Variants in AFF1 observed in about 807,000 individuals in gnomAD.
AFF1 encodes the protein ALF transcription elongation factor 1, also known as AF4/FMR2 family member 1.
In AFF1, 48 loss-of-function variants were observed where a neutral mutation model predicts 121.7. The ratio of observed to expected loss-of-function variants is 0.39; its 90% CI spans 0.31 to 0.50. The LOEUF is 0.50. AFF1 is among the 20% of genes least tolerant of loss of function. The pLI is 0.76. For missense variants in AFF1, 1,523 were observed against 1,511.7 expected, an observed-to-expected ratio of 1.01 and a Z score of -0.12; for synonymous variants, 613 against 563.0, an observed-to-expected ratio of 1.09 and a Z score of -1.26.
intron 4 of AFF1, among the ~76,000 whole-genome samples, chr4:87,063,334 G>C (rs1419005165): frequency 7.4e-6 from 1 of 134,638 alleles, no homozygotes; most frequent in Non-Finnish European, 1.5e-5. Flanking sequence ...CCACCTCCCA[G>C]GTTCAAGCGA....
At chr4:87,095,399 G>A (rs1724733929) in intron 8 of AFF1, among the ~76,000 whole-genome samples, 2 of 152,226 alleles carry the variant, frequency 1.3e-5, no homozygotes, top group Non-Finnish European at 2.9e-5. Flanking sequence ...GATTACAGGC[G>A]TAAGCCACTG....
In AFF1 at chr4:87,047,525, A is replaced by G. The variant is rs202055448; in HGVS notation, c.990A>G (p.Glu330=). The G allele has an allele frequency of 1.4e-5, 22 of 1,614,102 alleles. No individual in the cohort carries two copies. The highest frequency in any genetic ancestry group is 1.6e-4 in the Middle Eastern group (1 of 6,084). Residue 330 remains glutamate (E), a synonymous_variant, in exon 4 of 21, where the codon GAA becomes GAG. Transcript: ENST00000395146. The part of the protein sequence containing the change: ...LPEDYRQQTF[E]KTDLKVPAKA... ...AGGACTATCGACAGCAGACCTTTGA[A>G]AAAACAGACTTGAAAGTGCCTGCCA...
At chr4:86,973,321 C>A (rs1723072441) in intron 2 of AFF1, among the ~76,000 whole-genome samples, 2 of 151,964 alleles carry the variant, frequency 1.3e-5, no homozygotes, top group Non-Finnish European at 2.9e-5. Context: ...GGTGCTGCAG[C>A]CTTTTGTATA....
chr4:87,068,599 A>G (rs1352943498), intron 4 of AFF1, among the ~76,000 whole-genome samples: 1 of 152,260 alleles, frequency 6.6e-6, no homozygotes, highest in Non-Finnish European at 1.5e-5. Context: ...TGAACTACGC[A>G]CATGGTGCTT....
chr4:87,127,283 C>T (rs1156750168), intron 15 of AFF1, among the ~76,000 whole-genome samples, 166 bp downstream of exon 15: 2 of 151,932 alleles, frequency 1.3e-5, no homozygotes, highest in East Asian at 3.9e-4. Flanking sequence ...GCCTCAGCCT[C>T]CCAAGTAGTT....
intron 2 of AFF1, among the ~76,000 whole-genome samples, chr4:86,996,402 A>G (rs1349612910): frequency 4.6e-5 from 7 of 151,670 alleles, no homozygotes; most frequent in Admixed American, 4.6e-4. Context: ...CTGCCTTGGG[A>G]TCCTGTTGAT....
chr4:87,126,832 G>A (rs1013519758), intron 14 of AFF1, among the ~76,000 whole-genome samples, 194 bp from the exon 15 acceptor site: 2 of 152,142 alleles, frequency 1.3e-5, no homozygotes, highest in Non-Finnish European at 2.9e-5. Flanking sequence ...GTCTTTTTGA[G>A]TCCCCAGTAC....
At chr4:87,006,329 G>A (rs560819724) in intron 2 of AFF1, among the ~76,000 whole-genome samples, 2 of 152,222 alleles carry the variant, frequency 1.3e-5, no homozygotes, top group East Asian at 3.9e-4. Context: ...TTTGAGGCAC[G>A]GCTTAAACGC....
chr4:87,114,300 A>G, intron 11 of AFF1, 67 bp from the exon 12 acceptor site: 2 of 1,398,188 alleles, frequency 1.4e-6, no homozygotes, highest in Non-Finnish European at 1.9e-6. Context: ...TAATTGGGTG[A>G]CTAACACAAA....
chr4:87,134,571 GC>G lies in AFF1; in HGVS notation c.3414del (p.Thr1139LeufsTer11). The G allele has an allele frequency of 6.2e-7, 1 of 1,614,070 alleles. No homozygotes were observed. Among genetic ancestry groups the G allele is most frequent in the Non-Finnish European group, 8.5e-7 (1 of 1,179,998 alleles). On this transcript the variant is annotated frameshift_variant, in exon 20 of 21. Coordinates refer to ENST00000395146, the MANE Select transcript of AFF1 (RefSeq NM_001166693.3). LOFTEE classifies it high-confidence loss of function. ...AGSVGSSGVA[A>X]TISTPVTIQN... is the part of the protein sequence containing the mutation. ...CAGTGTGGGGAGCAGTGGGGTGGCTGCCACTATCAGCACCCCAGTCACCATC... is the reference window on the plus strand; with the variant it reads ...CAGTGTGGGGAGCAGTGGGGTGGCTGCACTATCAGCACCCCAGTCACCATC...
At chr4:87,067,104 C>T (rs776785140) in intron 4 of AFF1, among the ~76,000 whole-genome samples, 1 of 152,100 alleles carries the variant, frequency 6.6e-6, no homozygotes, top group African/African-American at 2.4e-5. Flanking sequence ...CACAGAGATT[C>T]ATGAAATAAA....
intron 11 of AFF1, among the ~76,000 whole-genome samples, chr4:87,112,971 C>A (rs1398343743): frequency 1.3e-5 from 2 of 152,116 alleles, no homozygotes; most frequent in Non-Finnish European, 2.9e-5. Flanking sequence ...GTATAGTAAT[C>A]CACCTAGCAG....
At chr4:87,099,646 C>G (rs375392121) in intron 8 of AFF1, among the ~76,000 whole-genome samples, 16 of 152,302 alleles carry the variant, frequency 1.1e-4, no homozygotes, top group African/African-American at 2.9e-4. Flanking sequence ...TGGACTCAGG[C>G]AGTCTGCCCA....
chr4:87,091,668 C>A, intron 6 of AFF1, 125 bp from the exon 7 acceptor site: 1 of 655,064 alleles, frequency 1.5e-6, no homozygotes, highest in Non-Finnish European at 2.6e-6. Flanking sequence ...TACACTGTTT[C>A]CATTTTTCTA....
Position 87,136,415 on chromosome 4 carries a change from C to A in AFF1, c.*714C>A. The A allele has an allele frequency of 1.3e-5, 3 of 232,360 alleles. No homozygotes were observed. The East Asian group carries it at 1.8e-4, about 14-fold the overall frequency. 14.4% of individuals were successfully genotyped at this position (232,360 alleles called of 1,614,324 possible). A position where few individuals can be genotyped will look rare whatever the true frequency, so the allele number is the denominator to read the frequency against. On this transcript the variant is annotated 3_prime_UTR_variant, in exon 21 of 21. Transcript: ENST00000395146. ...TTCTCATTACTGTGCTGAAAGTCAG[C>A]CCACGTCGGAGCGGTGAGGAGGAGC...
chr4:86,936,344 G>T (rs1050290453), intron 1 of AFF1: 15 of 152,258 alleles, frequency 9.9e-5, no homozygotes, highest in African/African-American at 3.6e-4. Context: ...CGAAGACCCA[G>T]TGTTCCCTGG....
intron 15 of AFF1, 79 bp downstream of exon 15, chr4:87,127,196 T>C (rs1269027443): frequency 2.5e-6 from 3 of 1,195,296 alleles, no homozygotes; most frequent in Non-Finnish European, 3.6e-6. Context: ...AGTCTCACTC[T>C]GTCACCCAGG....
intron 2 of AFF1, among the ~76,000 whole-genome samples, chr4:87,039,124 C>T (rs1248990891): frequency 4.6e-5 from 7 of 152,232 alleles, no homozygotes; most frequent in Non-Finnish European, 7.3e-5. Flanking sequence ...CACTGCCCCA[C>T]GTCTCATGCC....
intron 6 of AFF1, 59 bp from the exon 7 acceptor site, chr4:87,091,734 C>G: frequency 8.5e-7 from 1 of 1,173,476 alleles, no homozygotes; most frequent in Non-Finnish European, 1.2e-6. Flanking sequence ...CAACGGTTTT[C>G]TCTTTAACTT....
Sources: allele counts gnomAD v4.1 joint callset (sites outside exome capture counted in the v4.1 genomes callset), GRCh38; gene constraint gnomAD v4.1.1; transcripts MANE v1.5; gene names NCBI Gene and HGNC (gene_info 2026-07-23, HGNC 2026-07-21).